Variants in PTPRT observed in about 807,000 individuals in gnomAD.
PTPRT encodes protein tyrosine phosphatase receptor type T, also known as receptor-type tyrosine-protein phosphatase T.
In PTPRT, 56 loss-of-function variants were observed where a neutral mutation model predicts 176.8. The ratio of observed to expected loss-of-function variants is 0.32; its 90% CI spans 0.26 to 0.40. PTPRT has a LOEUF of 0.40. Ranked by LOEUF, PTPRT falls within the 10% of genes least tolerant of loss-of-function variation. The pLI is 1.00. For synonymous variants in PTPRT, 783 were observed against 739.0 expected, an observed-to-expected ratio of 1.06 and a Z score of -0.96; for missense variants, 1,540 against 1,908.2, an observed-to-expected ratio of 0.81 and a Z score of 3.60.
chr20:42,353,034 G>T (rs1165594391), intron 9 of PTPRT, among the ~76,000 whole-genome samples: 3 of 152,124 alleles, frequency 2.0e-5, no homozygotes, highest in Admixed American at 1.3e-4. Context: ...CATAAAAATT[G>T]AATGGAATTG....
At chr20:42,723,475 G>A (rs1438760182) in intron 6 of PTPRT, among the ~76,000 whole-genome samples, 1 of 152,188 alleles carries the variant, frequency 6.6e-6, no homozygotes, top group Non-Finnish European at 1.5e-5. Context: ...ATCCCCAGAA[G>A]TGGCTGGTGG....
chr20:42,578,724 T>A (rs2073310234), intron 7 of PTPRT, among the ~76,000 whole-genome samples: 1 of 152,068 alleles, frequency 6.6e-6, no homozygotes, highest in Admixed American at 6.5e-5. Context: ...CTGCCCTATC[T>A]CGGATCTGCA....
At chr20:42,882,130 C>T (rs1273828357) in intron 2 of PTPRT, among the ~76,000 whole-genome samples, 1 of 152,186 alleles carries the variant, frequency 6.6e-6, no homozygotes, top group Non-Finnish European at 1.5e-5. Context: ...CAGACTCAAA[C>T]TTGACTTCCA....
At chr20:43,071,510 CG>C (rs2011179928) in intron 1 of PTPRT, among the ~76,000 whole-genome samples, 4 of 152,098 alleles carry the variant, frequency 2.6e-5, no homozygotes, top group African/African-American at 2.4e-5. Context: ...TCAGGCCAGG[CG>C]CGGTGGCTCA....
intron 6 of PTPRT, among the ~76,000 whole-genome samples, chr20:42,737,611 G>C (rs1487144313): frequency 7.0e-6 from 1 of 142,312 alleles, no homozygotes; most frequent in African/African-American, 2.6e-5. Context: ...CAGCCTGTGT[G>C]ATAGAGCAAG....
At chr20:42,186,532 C>T (rs1332708498) in intron 16 of PTPRT, among the ~76,000 whole-genome samples, 1 of 151,716 alleles carries the variant, frequency 6.6e-6, no homozygotes, top group Non-Finnish European at 1.5e-5. Context: ...TATGGTGTCA[C>T]GGAGCTCACA....
At chr20:42,791,037 G>A (rs1015885616) in intron 3 of PTPRT, among the ~76,000 whole-genome samples, 158 bp downstream of exon 3, 1 of 152,244 alleles carries the variant, frequency 6.6e-6, no homozygotes, top group Non-Finnish European at 1.5e-5. Flanking sequence ...GACAGCGGCT[G>A]TGTTAGGTCA....
At chr20:42,250,796 G>C (rs74539090) in intron 13 of PTPRT, among the ~76,000 whole-genome samples, 3 of 152,342 alleles carry the variant, frequency 2.0e-5, no homozygotes, top group Non-Finnish European at 4.4e-5. Flanking sequence ...AAACTATGCT[G>C]TCTGTAGAGT....
chr20:42,212,770 G>C (rs1306672510), intron 15 of PTPRT, among the ~76,000 whole-genome samples: 1 of 151,976 alleles, frequency 6.6e-6, no homozygotes, highest in East Asian at 1.9e-4. Flanking sequence ...AATGCTCTCT[G>C]GTATGATCAT....
intron 8 of PTPRT, among the ~76,000 whole-genome samples, chr20:42,449,371 T>C (rs1283540569): frequency 2.0e-5 from 3 of 152,208 alleles, no homozygotes; most frequent in Non-Finnish European, 2.9e-5. Context: ...TGGATTTCAC[T>C]ATTCTTACAA....
At chr20:42,081,377 G>GT (rs1479423215) in intron 30 of PTPRT, among the ~76,000 whole-genome samples, 1 of 152,126 alleles carries the variant, frequency 6.6e-6, no homozygotes, top group Admixed American at 6.5e-5. Flanking sequence ...ATTCGAGTAG[G>GT]TTTAAAGACT....
chr20:43,174,176 G>A (rs559465172), intron 1 of PTPRT, among the ~76,000 whole-genome samples: 2 of 152,304 alleles, frequency 1.3e-5, no homozygotes, highest in South Asian at 2.1e-4. Context: ...GCCAGACAGA[G>A]AGAACATAAA....
chr20:42,778,479 A>T (rs556288111), intron 4 of PTPRT, among the ~76,000 whole-genome samples: 1 of 152,212 alleles, frequency 6.6e-6, no homozygotes, highest in African/African-American at 2.4e-5. Flanking sequence ...CCAAGCATCC[A>T]GCACAAAGTA....
At chr20:42,977,316 C>T (rs1234781249) in intron 1 of PTPRT, among the ~76,000 whole-genome samples, 1 of 152,170 alleles carries the variant, frequency 6.6e-6, no homozygotes, top group African/African-American at 2.4e-5. Flanking sequence ...GATTCAAAAA[C>T]GTCAACAAGG....
chr20:42,373,029 A>G (rs2058607375), intron 9 of PTPRT, among the ~76,000 whole-genome samples: 1 of 152,262 alleles, frequency 6.6e-6, no homozygotes. Context: ...CTAGGCAGGA[A>G]GAAATGACAG....
In PTPRT at chr20:42,684,301, T is replaced by A. The variant is rs528839805; in HGVS notation, c.860-6142A>T. On this transcript the variant is annotated intron_variant, in intron 6 of 30. Coordinates refer to ENST00000373187, the MANE Select transcript of PTPRT (RefSeq NM_007050.6). Reference sequence around the variant, plus strand: ...CAGAGGTTGCAGTGAGCCAGGATCATGCCACTGCACTCCAACCTGGGCAAC... The same window carrying A: ...CAGAGGTTGCAGTGAGCCAGGATCAAGCCACTGCACTCCAACCTGGGCAAC... Among the ~76,000 whole-genome samples, 15 of 151,662 alleles carry A rather than the reference T, an allele frequency of 9.9e-5. No individual in the cohort carries two copies. In the East Asian group the frequency reaches 2.9e-3, roughly 29 times the overall value.
chr20:42,206,406 C>T (rs868811439), intron 15 of PTPRT, among the ~76,000 whole-genome samples: 48 of 152,288 alleles, frequency 3.2e-4, no homozygotes, highest in African/African-American at 9.1e-4. Flanking sequence ...AGACAGTGGG[C>T]GCAGGTCAGT....
At chr20:42,443,460 A>G (rs1350568274) in intron 9 of PTPRT, among the ~76,000 whole-genome samples, 1 of 152,202 alleles carries the variant, frequency 6.6e-6, no homozygotes, top group Non-Finnish European at 1.5e-5. Flanking sequence ...TGTTAGGGGA[A>G]TGATCATAGA....
intron 2 of PTPRT, among the ~76,000 whole-genome samples, chr20:42,818,241 C>G (rs2077825089): frequency 6.6e-6 from 1 of 151,856 alleles, no homozygotes. Context: ...ATGACTAGGT[C>G]CTAAAGTGAA....
Sources: allele counts gnomAD v4.1 joint callset (sites outside exome capture counted in the v4.1 genomes callset), GRCh38; gene constraint gnomAD v4.1.1; transcripts MANE v1.5; gene names NCBI Gene and HGNC (gene_info 2026-07-23, HGNC 2026-07-21).